SLC2A12: variants seen among roughly 807,000 people sequenced by gnomAD.
SLC2A12 encodes solute carrier family 2, facilitated glucose transporter member 12.
Under a neutral mutation model 41.8 loss-of-function variants are expected in SLC2A12, and 23 were observed. The observed-to-expected ratio is 0.55, with a 90% CI of 0.40 to 0.78. The LOEUF is 0.78. Ranked by LOEUF, SLC2A12 falls within the 30% of genes least tolerant of loss-of-function variation. The pLI, the probability that SLC2A12 is intolerant of heterozygous loss-of-function variation, is 0.00. For synonymous variants in SLC2A12, 295 were observed against 285.9 expected (o/e 1.03, Z -0.32); for missense variants, 654 against 745.6 (o/e 0.88, Z 1.43).
chr6:134,028,966 A>G lies in SLC2A12; in HGVS notation c.859T>C (p.Phe287Leu), dbSNP rs756266706. The G allele has an allele frequency of 1.9e-6, 3 of 1,614,248 alleles. No individual in the cohort carries two copies. The highest frequency in any genetic ancestry group is 1.7e-5 in the Admixed American group (1 of 60,028). The stretch of plus-strand genomic sequence containing the variant: ...GGTTGGCCAGTGATTTGTACAAAAA[A>G]TACTAGTGTTAGTCCTATCATTATT... ...TRIMIGLTLVFFVQITGQPNI... is the reference protein window; with the variant it reads ...TRIMIGLTLVLFVQITGQPNI... Residue 287 changes from phenylalanine to leucine, a missense_variant, in exon 2 of 5, where the codon TTT becomes CTT. Physicochemically the swap from Phe to Leu is conservative, Grantham distance 22 (BLOSUM62 0). This residue lies in a region of SLC2A12 where 411 missense variants were observed against 412.1 expected (regional missense o/e 1.00). Transcript: ENST00000275230.
intron 3 of SLC2A12, among the ~76,000 whole-genome samples, chr6:134,006,166 G>C (rs558495621): frequency 1.8e-5 from 2 of 113,608 alleles, no homozygotes; most frequent in Non-Finnish European, 3.5e-5. Context: ...GCAACAGAGA[G>C]AGACTATCGG....
intron 1 of SLC2A12, among the ~76,000 whole-genome samples, chr6:134,048,689 A>G (rs1773625226): frequency 6.6e-6 from 1 of 152,224 alleles, no homozygotes; most frequent in Admixed American, 6.5e-5. Flanking sequence ...TTAAAGCACT[A>G]TAATTTTTGT....
intron 1 of SLC2A12, among the ~76,000 whole-genome samples, chr6:134,033,636 G>GGGCA (rs1170693277): frequency 6.6e-6 from 1 of 152,134 alleles, no homozygotes; most frequent in African/African-American, 2.4e-5. Context: ...GTGTGACAGA[G>GGGCA]GGCACCTGGG....
At chr6:134,038,430 C>T (rs1403953770) in intron 1 of SLC2A12, among the ~76,000 whole-genome samples, 10 of 131,900 alleles carry the variant, frequency 7.6e-5, no homozygotes, top group South Asian at 5.0e-4. Flanking sequence ...GGTGCGATCT[C>T]GGCTCACTGC....
chr6:134,045,437 TG>T (rs1231290457), intron 1 of SLC2A12, among the ~76,000 whole-genome samples: 1 of 152,208 alleles, frequency 6.6e-6, no homozygotes, highest in East Asian at 1.9e-4. Context: ...AGGAGGAACC[TG>T]GGCTTGAAGG....
At chr6:134,040,052 TTTTTTG>T (rs1777359777) in intron 1 of SLC2A12, among the ~76,000 whole-genome samples, 2 of 85,310 alleles carry the variant, frequency 2.3e-5, no homozygotes, top group South Asian at 4.3e-4. Context: ...CAGGTTGTTG[TTTTTTG>T]TTTTTTTTTT....
Position 134,018,274 on chromosome 6 carries a change from A to T in SLC2A12, c.1444+10107T>A, listed in dbSNP as rs539787887. ...AGTCCATGCCACAAACCATGCACTG[A>T]ACTAGGGGCACTTTATACAGATTCC... is the stretch of plus-strand genomic sequence containing the variant. On this transcript the variant is annotated intron_variant, in intron 2 of 4. Coordinates refer to ENST00000275230, the MANE Select transcript of SLC2A12 (RefSeq NM_145176.3). 2.6e-5 allele frequency among the ~76,000 whole-genome samples: 4 copies of T among 152,290 alleles called. No individual in the cohort carries two copies. The East Asian group carries it at 7.7e-4, about 29-fold the overall frequency.
At chr6:134,034,328 T>C (rs1777263483) in intron 1 of SLC2A12, among the ~76,000 whole-genome samples, 1 of 152,184 alleles carries the variant, frequency 6.6e-6, no homozygotes, top group Non-Finnish European at 1.5e-5. Context: ...TTCCCTATTA[T>C]ATGCTTTAAG....
chr6:134,006,776 G>A (rs949140837), intron 3 of SLC2A12, 36 bp downstream of exon 3: 11 of 1,612,178 alleles, frequency 6.8e-6, no homozygotes, highest in Non-Finnish European at 9.3e-6. Flanking sequence ...GTCCTACGAG[G>A]ACCAAAGACA....
chr6:134,044,992 A>G (rs1777437642), intron 1 of SLC2A12, among the ~76,000 whole-genome samples: 1 of 152,142 alleles, frequency 6.6e-6, no homozygotes, highest in South Asian at 2.1e-4. Context: ...CCTAGGTTAC[A>G]TCTGGATTTA....
chr6:134,006,989 A>C (rs1478126980), intron 2 of SLC2A12, 55 bp from the exon 3 acceptor site: 1 of 1,606,526 alleles, frequency 6.2e-7, no homozygotes, highest in East Asian at 2.2e-5. Context: ...AAACCCATTG[A>C]ATCTGAGTGC....
At chr6:134,002,254 A>G in intron 3 of SLC2A12, 125 bp from the exon 4 acceptor site, 1 of 1,051,482 alleles carries the variant, frequency 9.5e-7, no homozygotes. Context: ...GTATCCAGGA[A>G]AATAGAAATC....
At chr6:134,014,985 G>C (rs534918340) in intron 2 of SLC2A12, among the ~76,000 whole-genome samples, 93 of 152,180 alleles carry the variant, frequency 6.1e-4, no homozygotes, top group Non-Finnish European at 9.6e-4. Context: ...AGTTTTTCCT[G>C]GTTGTTTGGA....
In SLC2A12 at chr6:134,021,970, A is replaced by G. The variant is rs950700630; in HGVS notation, c.1444+6411T>C. ...ACCCACACTGATAAAGTATTGCCTC[A>G]TTGCACAACCCCAGGGAGCATCATT... On this transcript the variant is annotated intron_variant, in intron 2 of 4. Transcript: ENST00000275230. 2.0e-5 allele frequency among the ~76,000 whole-genome samples: 3 copies of G among 152,212 alleles called. No homozygotes were observed. The East Asian group carries it at 5.8e-4, about 29-fold the overall frequency.
At chr6:134,003,922 C>T (rs540024613) in intron 3 of SLC2A12, among the ~76,000 whole-genome samples, 1 of 152,168 alleles carries the variant, frequency 6.6e-6, no homozygotes, top group African/African-American at 2.4e-5. Context: ...TAGAACCTCA[C>T]GTCTTTTAGA....
intron 4 of SLC2A12, among the ~76,000 whole-genome samples, chr6:133,997,085 C>CAAAAAAAACAA (rs1776705222): frequency 1.4e-5 from 1 of 70,714 alleles, no homozygotes; most frequent in African/African-American, 5.5e-5. Context: ...ACTAAAAATA[C>CAAAAAAAACAA]AAAAAAAAAA....
intron 1 of SLC2A12, among the ~76,000 whole-genome samples, chr6:134,043,803 A>G (rs111250771): frequency 6.6e-6 from 1 of 151,846 alleles, no homozygotes; most frequent in African/African-American, 2.4e-5. Context: ...AAAAAAAAAA[A>G]AAAAAGAAAA....
intron 1 of SLC2A12, among the ~76,000 whole-genome samples, chr6:134,033,629 T>C (rs1341108243): frequency 6.6e-6 from 1 of 152,134 alleles, no homozygotes; most frequent in Non-Finnish European, 1.5e-5. Flanking sequence ...GCATGTGGTG[T>C]GACAGAGGGC....
intron 2 of SLC2A12, among the ~76,000 whole-genome samples, chr6:134,008,171 G>C (rs145211184): frequency 6.6e-6 from 1 of 152,124 alleles, no homozygotes; most frequent in African/African-American, 2.4e-5. Flanking sequence ...GGGAGAGGCC[G>C]CTCTGGCCAG....
Sources: allele counts gnomAD v4.1 joint callset (sites outside exome capture counted in the v4.1 genomes callset), GRCh38; gene constraint gnomAD v4.1.1; regional missense constraint gnomAD v4.1.1; transcripts MANE v1.5; gene names NCBI Gene and HGNC (gene_info 2026-07-23, HGNC 2026-07-21).